Variants in OLA1 observed in about 807,000 individuals in gnomAD.
OLA1 encodes the protein obg-like ATPase 1.
Under a neutral mutation model 48.4 loss-of-function variants are expected in OLA1, and 14 were observed. The observed-to-expected ratio is 0.29, with a 90% CI of 0.19 to 0.45. The LOEUF (loss-of-function observed/expected upper bound fraction) is 0.45. OLA1 is among the 20% of genes least tolerant of loss of function. The pLI is 1.00. For missense variants in OLA1, 325 were observed against 467.1 expected (o/e 0.70, Z 2.80); for synonymous variants, 127 against 150.4 (o/e 0.84, Z 1.14).
At chr2:174,116,311 T>C (rs1264083336) in intron 7 of OLA1, among the ~76,000 whole-genome samples, 1 of 152,242 alleles carries the variant, frequency 6.6e-6, no homozygotes, top group African/African-American at 2.4e-5. Flanking sequence ...TTCTACTACA[T>C]TGTGAATTAA....
chr2:174,176,008 T>C (rs1687413223), intron 4 of OLA1, among the ~76,000 whole-genome samples: 1 of 151,874 alleles, frequency 6.6e-6, no homozygotes, highest in Admixed American at 6.5e-5. Flanking sequence ...AGCAGATCAG[T>C]GAGTACTTAA....
chr2:174,115,935 T>C (rs1386070670), intron 7 of OLA1, among the ~76,000 whole-genome samples: 1 of 152,226 alleles, frequency 6.6e-6, no homozygotes, highest in African/African-American at 2.4e-5. Flanking sequence ...GAAAGGGCTT[T>C]TTCTGTTCAC....
At chr2:174,106,152 TAA>T (rs1685510741) in intron 7 of OLA1, among the ~76,000 whole-genome samples, 1 of 152,162 alleles carries the variant, frequency 6.6e-6, no homozygotes, top group South Asian at 2.1e-4. Flanking sequence ...ATTTGCTTTT[TAA>T]AAATAGGACA....
intron 5 of OLA1, among the ~76,000 whole-genome samples, chr2:174,133,600 CTCCCA>C (rs1686234489): frequency 6.6e-6 from 1 of 152,172 alleles, no homozygotes; most frequent in Admixed American, 6.5e-5. Flanking sequence ...CCCCCTCAGC[CTCCCA>C]AAGTACTGGG....
At chr2:174,167,681 AG>A (rs1403580082) in intron 4 of OLA1, among the ~76,000 whole-genome samples, 1 of 152,262 alleles carries the variant, frequency 6.6e-6, no homozygotes, top group Non-Finnish European at 1.5e-5. Context: ...AAGATTAAAT[AG>A]TATGTAATAA....
intron 2 of OLA1, among the ~76,000 whole-genome samples, chr2:174,243,923 T>C (rs1201314828): frequency 6.6e-6 from 1 of 152,076 alleles, no homozygotes; most frequent in African/African-American, 2.4e-5. Flanking sequence ...GAGAACCGTC[T>C]CCCTCCCACA....
chr2:174,144,942 AAAAAAAAAAATATATAT>A (rs1394270666), intron 4 of OLA1, among the ~76,000 whole-genome samples: 2 of 75,834 alleles, frequency 2.6e-5, no homozygotes, highest in African/African-American at 8.4e-5. Flanking sequence ...AAAAAAAAAA[AAAAAAAAAAATATATAT>A]ATATATATAT....
At chr2:174,110,693 C>T (rs1368383968) in intron 7 of OLA1, among the ~76,000 whole-genome samples, 4 of 152,104 alleles carry the variant, frequency 2.6e-5, no homozygotes, top group Non-Finnish European at 4.4e-5. Context: ...GTGATCTTCC[C>T]GCCTCAGCCT....
intron 6 of OLA1, 144 bp downstream of exon 6, chr2:174,123,451 A>G: frequency 1.6e-6 from 1 of 620,062 alleles, no homozygotes; most frequent in Non-Finnish European, 2.7e-6. Context: ...GAAAAGAAAA[A>G]AATAACAAGC....
At chr2:174,157,231 G>C (rs923906692) in intron 4 of OLA1, among the ~76,000 whole-genome samples, 1 of 152,122 alleles carries the variant, frequency 6.6e-6, no homozygotes, top group East Asian at 1.9e-4. Context: ...GGAGCTGGAA[G>C]GCAAATTTCT....
At chr2:174,153,861 C>G (rs1344719297) in intron 4 of OLA1, among the ~76,000 whole-genome samples, 4 of 152,076 alleles carry the variant, frequency 2.6e-5, no homozygotes, top group African/African-American at 7.2e-5. Flanking sequence ...GCAAAATTAA[C>G]CAATGTTATT....
At chr2:174,084,153 A>T (rs1386093860) in intron 7 of OLA1, among the ~76,000 whole-genome samples, 4 of 152,018 alleles carry the variant, frequency 2.6e-5, no homozygotes, top group Non-Finnish European at 5.9e-5. Flanking sequence ...AGTGTAGAGC[A>T]TCACAAGCTT....
At chr2:174,118,552 C>T (rs1348159368) in intron 7 of OLA1, among the ~76,000 whole-genome samples, 1 of 152,100 alleles carries the variant, frequency 6.6e-6, no homozygotes. Flanking sequence ...ATGACAGAAT[C>T]CTAAGGAACA....
intron 7 of OLA1, among the ~76,000 whole-genome samples, chr2:174,121,010 G>A (rs1008183503): frequency 1.3e-5 from 2 of 152,134 alleles, no homozygotes; most frequent in African/African-American, 4.8e-5. Flanking sequence ...TAATGCAAAT[G>A]GAGCTTAGAT....
At chr2:174,213,061 T>C (rs973702715) in intron 4 of OLA1, among the ~76,000 whole-genome samples, 6 of 152,178 alleles carry the variant, frequency 3.9e-5, no homozygotes, top group African/African-American at 7.2e-5. Context: ...CAGGAAAGAA[T>C]AGGGCAATAT....
At chr2:174,147,228 A>C (rs948491000) in intron 4 of OLA1, among the ~76,000 whole-genome samples, 1 of 152,140 alleles carries the variant, frequency 6.6e-6, no homozygotes, top group African/African-American at 2.4e-5. Flanking sequence ...GGAGTTCGAG[A>C]CCAGCCTGAC....
At chr2:174,148,363 G>A (rs1482247265) in intron 4 of OLA1, among the ~76,000 whole-genome samples, 3 of 152,028 alleles carry the variant, frequency 2.0e-5, no homozygotes, top group African/African-American at 7.2e-5. Flanking sequence ...TACTCCAGCC[G>A]GAGCGACAAG....
intron 7 of OLA1, among the ~76,000 whole-genome samples, chr2:174,107,324 T>G (rs911863165): frequency 6.6e-6 from 1 of 152,138 alleles, no homozygotes; most frequent in Non-Finnish European, 1.5e-5. Flanking sequence ...ACGTCCACGC[T>G]CTATTAGCCA....
chr2:174,136,822 C>T (rs893502945), intron 5 of OLA1, among the ~76,000 whole-genome samples: 7 of 151,086 alleles, frequency 4.6e-5, no homozygotes, highest in Admixed American at 2.6e-4. Flanking sequence ...CAGGCACATG[C>T]TGCCACGCCT....
Sources: allele counts gnomAD v4.1 joint callset (sites outside exome capture counted in the v4.1 genomes callset), GRCh38; gene constraint gnomAD v4.1.1; transcripts MANE v1.5; gene names NCBI Gene and HGNC (gene_info 2026-07-23, HGNC 2026-07-21).